Variants in HCN1 observed in about 807,000 individuals in gnomAD.
HCN1 encodes the protein hyperpolarization activated cyclic nucleotide gated potassium channel 1, also known as potassium/sodium hyperpolarization-activated cyclic nucleotide-gated channel 1.
Under a neutral mutation model 78.9 loss-of-function variants are expected in HCN1, and 13 were observed. The observed-to-expected ratio is 0.16, with a 90% CI of 0.11 to 0.26. The LOEUF (loss-of-function observed/expected upper bound fraction) is 0.26, where lower values mean the gene tolerates loss of function less well. Among genes scored for constraint, HCN1 ranks in the 10% least tolerant of loss-of-function variants. The probability of loss-of-function intolerance (pLI) is 1.00; values close to 1 mark genes in which losing one functional copy is unlikely to be tolerated. For synonymous variants in HCN1, 552 were observed against 455.5 expected, an observed-to-expected ratio of 1.21 and a Z score of -2.70; for missense variants, 810 against 1,154.3, an observed-to-expected ratio of 0.70 and a Z score of 4.32.
chr5:45,445,218 G>T (rs562377801), intron 3 of HCN1, among the ~76,000 whole-genome samples: 2 of 152,156 alleles, frequency 1.3e-5, no homozygotes, highest in African/African-American at 4.8e-5. Context: ...AGAAAACGGC[G>T]CACCAGGAGA....
intron 2 of HCN1, among the ~76,000 whole-genome samples, chr5:45,472,974 G>C (rs1404790022): frequency 2.0e-5 from 3 of 151,736 alleles, no homozygotes; most frequent in African/African-American, 7.3e-5. Flanking sequence ...GCTTTTAGTT[G>C]TCATTGTCTT....
intron 1 of HCN1, among the ~76,000 whole-genome samples, chr5:45,683,277 T>C (rs996117629): frequency 1.3e-5 from 2 of 152,156 alleles, no homozygotes; most frequent in African/African-American, 4.8e-5. Context: ...GTTTTTAGTT[T>C]TTTTAGTCAG....
chr5:45,312,795 G>A (rs761789714), intron 5 of HCN1, among the ~76,000 whole-genome samples: 11 of 152,280 alleles, frequency 7.2e-5, no homozygotes, highest in African/African-American at 2.4e-5. Context: ...AGATAGAATC[G>A]CAAGGTGGCA....
chr5:45,276,862 T>C (rs1294138127), intron 6 of HCN1, among the ~76,000 whole-genome samples: 2 of 151,770 alleles, frequency 1.3e-5, no homozygotes, highest in African/African-American at 2.4e-5. Context: ...ACACAAACTA[T>C]GGGGATGAAG....
At chr5:45,372,087 TTATA>T (rs1234893690) in intron 4 of HCN1, among the ~76,000 whole-genome samples, 39 of 57,802 alleles carry the variant, frequency 6.7e-4, no homozygotes, top group South Asian at 6.5e-3. Context: ...TATAATATAA[TTATA>T]TATATATTTT....
intron 1 of HCN1, among the ~76,000 whole-genome samples, chr5:45,687,537 T>C (rs1430364402): frequency 6.6e-6 from 1 of 152,162 alleles, no homozygotes; most frequent in Non-Finnish European, 1.5e-5. Flanking sequence ...TTTCTTACTA[T>C]TTTTTTCATA....
chr5:45,687,832 AT>A lies in HCN1; in HGVS notation c.425+7836del, dbSNP rs991696027. Reference sequence around the variant, plus strand: ...GCAGAGTGATTAGGCAATAAACATGATTTTTTATCTGAAGACTTTGAAATGT... The same window carrying A: ...GCAGAGTGATTAGGCAATAAACATGATTTTTATCTGAAGACTTTGAAATGT... On this transcript the variant is annotated intron_variant, in intron 1 of 7. Transcript: ENST00000303230. Among the ~76,000 whole-genome samples, 5 of 152,220 alleles carry A rather than the reference AT, an allele frequency of 3.3e-5. No homozygotes were observed. In the East Asian group the frequency reaches 9.7e-4, roughly 29 times the overall value.
intron 2 of HCN1, among the ~76,000 whole-genome samples, chr5:45,607,551 G>A (rs1744747233): frequency 6.8e-6 from 1 of 147,440 alleles, no homozygotes. Flanking sequence ...AATGATATTG[G>A]GATATAGACA....
At chr5:45,659,277 G>A (rs1448521857) in intron 1 of HCN1, among the ~76,000 whole-genome samples, 3 of 126,278 alleles carry the variant, frequency 2.4e-5, no homozygotes, top group Admixed American at 1.6e-4. Flanking sequence ...CAACCAGAAA[G>A]GACATCTACA....
intron 5 of HCN1, among the ~76,000 whole-genome samples, chr5:45,337,365 TG>T (rs1311749272): frequency 6.6e-6 from 1 of 152,106 alleles, no homozygotes; most frequent in African/African-American, 2.4e-5. Context: ...TAAAAATACA[TG>T]GACCATAGTA....
At position 45,264,594 on chromosome 5, in the gene HCN1, C is replaced by T. The variant is rs189535581; in HGVS notation, c.1784-1784G>A. Reference sequence around the variant, plus strand: ...CCCTACTTACAGACTGTCCTAATTTCCCAAAGAACAAAAACTCCTACATTA... The same window carrying T: ...CCCTACTTACAGACTGTCCTAATTTTCCAAAGAACAAAAACTCCTACATTA... On this transcript the variant is annotated intron_variant, in intron 7 of 7. Coordinates refer to ENST00000303230, the MANE Select transcript of HCN1 (RefSeq NM_021072.4). Among the ~76,000 whole-genome samples, 437 of 152,228 alleles carry T rather than the reference C, an allele frequency of 2.9e-3. 2 individuals carry two copies. The highest frequency in any genetic ancestry group is 1.0e-2 in the African/African-American group (414 of 41,536).
At chr5:45,339,832 T>C (rs1036099417) in intron 5 of HCN1, among the ~76,000 whole-genome samples, 2 of 152,208 alleles carry the variant, frequency 1.3e-5, no homozygotes, top group Non-Finnish European at 2.9e-5. Flanking sequence ...AGGATGCACG[T>C]AAAAGTGAAA....
intron 5 of HCN1, among the ~76,000 whole-genome samples, chr5:45,333,930 A>G (rs143369280): frequency 1.1e-3 from 171 of 151,922 alleles, no homozygotes; most frequent in African/African-American, 4.0e-3. Context: ...GCAAGATGGT[A>G]TCTAATCTTA....
intron 1 of HCN1, among the ~76,000 whole-genome samples, chr5:45,686,098 C>A (rs573891888): frequency 2.0e-5 from 3 of 151,088 alleles, no homozygotes; most frequent in Non-Finnish European, 4.4e-5. Flanking sequence ...ATACTATATA[C>A]CCCATGAATT....
At chr5:45,441,404 G>A (rs1740676862) in intron 3 of HCN1, among the ~76,000 whole-genome samples, 2 of 143,220 alleles carry the variant, frequency 1.4e-5, no homozygotes, top group Admixed American at 7.0e-5. Context: ...AAGGAAAGAA[G>A]GAAGGAAGGG....
chr5:45,663,640 G>A (rs1383148792), intron 1 of HCN1, among the ~76,000 whole-genome samples: 11 of 150,928 alleles, frequency 7.3e-5, no homozygotes, highest in Admixed American at 4.0e-4. Flanking sequence ...ATCAAAAAGT[G>A]GGTGAAGGAC....
At chr5:45,423,571 C>A (rs1295672228) in intron 3 of HCN1, among the ~76,000 whole-genome samples, 2 of 151,514 alleles carry the variant, frequency 1.3e-5, no homozygotes, top group Non-Finnish European at 2.9e-5. Flanking sequence ...CTACATATTT[C>A]AATCATATCC....
intron 2 of HCN1, among the ~76,000 whole-genome samples, chr5:45,619,611 T>G (rs1463571547): frequency 6.6e-6 from 1 of 151,676 alleles, no homozygotes; most frequent in Non-Finnish European, 1.5e-5. Context: ...AAATGCAGAA[T>G]AAATGAGGGA....
At chr5:45,283,018 C>T (rs545918141) in intron 6 of HCN1, among the ~76,000 whole-genome samples, 49 of 152,204 alleles carry the variant, frequency 3.2e-4, no homozygotes, top group African/African-American at 1.1e-3. Context: ...ACTGCATCCT[C>T]CATATCTGAA....
Sources: gnomAD v4.1 joint callset for allele counts (sites outside exome capture counted in the v4.1 genomes callset) on GRCh38, gnomAD v4.1.1 for gene constraint, MANE v1.5 for transcripts, NCBI Gene and HGNC (gene_info 2026-07-23, HGNC 2026-07-21) for gene names.